PHF2: variants seen among roughly 807,000 people sequenced by gnomAD.
The protein encoded by PHF2 is lysine-specific demethylase PHF2.
Under a neutral mutation model 120.5 loss-of-function variants are expected in PHF2, and 27 were observed. The ratio of observed to expected loss-of-function variants is 0.22; its 90% CI spans 0.17 to 0.31. The LOEUF (loss-of-function observed/expected upper bound fraction) is 0.31. Among genes scored for constraint, PHF2 ranks in the 10% least tolerant of loss-of-function variants. PHF2 has a pLI of 1.00. For synonymous variants in PHF2, 568 were observed against 592.5 expected, an observed-to-expected ratio of 0.96 and a Z score of 0.60; for missense variants, 1,024 against 1,434.8, an observed-to-expected ratio of 0.71 and a Z score of 4.63.
intron 2 of PHF2, among the ~76,000 whole-genome samples, chr9:93,636,165 T>G (rs1220850999): frequency 6.6e-6 from 1 of 151,972 alleles, no homozygotes; most frequent in African/African-American, 2.4e-5. Flanking sequence ...GGTCAGGGAA[T>G]GGAGGACACT....
intron 11 of PHF2, among the ~76,000 whole-genome samples, chr9:93,659,986 T>C (rs1826530647): frequency 6.6e-6 from 1 of 152,140 alleles, no homozygotes; most frequent in Non-Finnish European, 1.5e-5. Flanking sequence ...AAGTGACTCA[T>C]GGCATGTCGC....
At chr9:93,631,000 C>T in intron 2 of PHF2, among the ~76,000 whole-genome samples, 1 of 152,162 alleles carries the variant, frequency 6.6e-6, no homozygotes, top group Non-Finnish European at 1.5e-5. Flanking sequence ...CTGAGTCACT[C>T]CCCTTCAAAG....
intron 10 of PHF2, among the ~76,000 whole-genome samples, chr9:93,658,491 C>T (rs2117975446): frequency 6.6e-6 from 1 of 152,284 alleles, no homozygotes; most frequent in African/African-American, 2.4e-5. Flanking sequence ...GCAGAGCCCC[C>T]TCCATCAGGG....
At chr9:93,612,977 G>A (rs1301921289) in intron 1 of PHF2, among the ~76,000 whole-genome samples, 2 of 152,202 alleles carry the variant, frequency 1.3e-5, no homozygotes, top group African/African-American at 4.8e-5. Context: ...GGGAACTCCA[G>A]GGCTTCCTCA....
At chr9:93,641,442 TCTC>T (rs1826171281) in intron 3 of PHF2, among the ~76,000 whole-genome samples, 2 of 152,344 alleles carry the variant, frequency 1.3e-5, no homozygotes, top group South Asian at 4.1e-4. Context: ...TGATTTTCTG[TCTC>T]CTCAGATTTT....
chr9:93,609,248 GT>G (rs1390864088), intron 1 of PHF2, among the ~76,000 whole-genome samples: 2 of 151,930 alleles, frequency 1.3e-5, no homozygotes, highest in Non-Finnish European at 2.9e-5. Flanking sequence ...ATAAACTGTA[GT>G]CATGAAGTAG....
At position 93,655,985 on chromosome 9, in the gene PHF2, A is replaced by G; in HGVS notation, c.1004A>G (p.His335Arg). 1 of 1,612,932 alleles carries G rather than the reference A, an allele frequency of 6.2e-7. No homozygotes were observed. Among genetic ancestry groups the G allele is most frequent in the South Asian group, 1.1e-5 (1 of 90,842 alleles). The change falls in exon 8 of 22, where the codon CAT becomes CGT. Residue 335 changes from histidine (H) to arginine (R), a missense_variant. Physicochemically the swap from His to Arg is conservative, Grantham distance 29. This residue lies in a region of PHF2 where 347 missense variants were observed against 577.4 expected (regional missense o/e 0.60). Coordinates refer to ENST00000359246, the MANE Select transcript of PHF2 (RefSeq NM_005392.4). Reference protein sequence around the residue: ...TPVDCLAFAGHFLHSLSVEMQ... With the variant: ...TPVDCLAFAGRFLHSLSVEMQ... The stretch of plus-strand genomic sequence containing the variant: ...GTGGACTGCCTGGCCTTCGCGGGAC[A>G]TTTCCTCCACAGCCTGAGTGTGGAG...
At chr9:93,611,411 G>C (rs1825633348) in intron 1 of PHF2, among the ~76,000 whole-genome samples, 1 of 93,670 alleles carries the variant, frequency 1.1e-5, no homozygotes, top group African/African-American at 2.8e-5. Flanking sequence ...GCAAAACTCT[G>C]TCTCAAAAAA....
At chr9:93,623,790 A>G (rs1825862182) in intron 1 of PHF2, among the ~76,000 whole-genome samples, 1 of 152,192 alleles carries the variant, frequency 6.6e-6, no homozygotes. Context: ...AGTGAACTTT[A>G]TATTTTCAAA....
At chr9:93,637,473 C>G (rs886751570) in intron 3 of PHF2, among the ~76,000 whole-genome samples, 1 of 152,182 alleles carries the variant, frequency 6.6e-6, no homozygotes, top group Non-Finnish European at 1.5e-5. Flanking sequence ...TCTCATCCCC[C>G]CTCCCAGCTG....
intron 1 of PHF2, among the ~76,000 whole-genome samples, chr9:93,611,947 G>A (rs1285089349): frequency 1.3e-5 from 2 of 152,214 alleles, no homozygotes; most frequent in African/African-American, 4.8e-5. Context: ...ACCAAAGTGT[G>A]GCCTCTCCAG....
At position 93,679,081 on chromosome 9, in the gene PHF2, C is replaced by G; in HGVS notation, c.*1405C>G. 1 of 364,604 alleles carries G rather than the reference C, an allele frequency of 2.7e-6. No individual in the cohort carries two copies. 22.6% of individuals were successfully genotyped at this position (364,604 alleles called of 1,614,324 possible). A position where few individuals can be genotyped will look rare whatever the true frequency, so the allele number is the denominator to read the frequency against. ...GGGGATACAGTTATTTTACTAGCAC[C>G]TTGTGAAGTGTTTCCGTGTTTTGTG... On this transcript the variant is annotated 3_prime_UTR_variant, in exon 22 of 22. Coordinates refer to ENST00000359246, the MANE Select transcript of PHF2 (RefSeq NM_005392.4).
Position 93,676,710 on chromosome 9 carries a change from AGCCTCTACCACC to A in PHF2, c.2950_2961del (p.Ala984_Thr987del). On this transcript the variant is annotated inframe_deletion, in exon 21 of 22. Transcript: ENST00000359246. ...GCACCACCTCCACCTCCACCACGCC[AGCCTCTACCACC>A]CCGGCCTCCACCACCCCGGCCTCCA... The A allele has an allele frequency of 1.7e-6, 1 of 597,100 alleles. No homozygotes were observed. The highest frequency in any genetic ancestry group is 2.8e-6 in the Non-Finnish European group (1 of 357,638). 37.0% of individuals were successfully genotyped at this position (597,100 alleles called of 1,614,324 possible).
chr9:93,611,750 A>T (rs1306818644), intron 1 of PHF2, among the ~76,000 whole-genome samples: 2 of 152,190 alleles, frequency 1.3e-5, no homozygotes, highest in African/African-American at 4.8e-5. Context: ...CCTGGACTCA[A>T]GCCATCTTCC....
chr9:93,677,729 G>A lies in PHF2; in HGVS notation c.*53G>A, dbSNP rs547548585. 5.0e-5 allele frequency: 69 copies of A among 1,371,568 alleles called. No homozygotes were observed. The highest frequency in any genetic ancestry group is 1.9e-4 in the Admixed American group (11 of 56,496). The allele number at this position is 1,371,568 out of a possible 1,614,324, so 85.0% of individuals were successfully genotyped here. A position where few individuals can be genotyped will look rare whatever the true frequency, so the allele number is the denominator to read the frequency against. ...CCGCTCAGGACCCCCGGAGCCCCGC[G>A]AAAACATCTGCCTCCCAGGAGGGTG... On this transcript the variant is annotated 3_prime_UTR_variant, in exon 22 of 22. Transcript: ENST00000359246. This position sits in a 1 kb window ranked among gnomAD's most constrained non-coding sequence, Gnocchi z 4.4.
intron 1 of PHF2, among the ~76,000 whole-genome samples, chr9:93,620,231 T>C (rs1825803666): frequency 6.6e-6 from 1 of 152,140 alleles, no homozygotes; most frequent in Admixed American, 6.5e-5. Flanking sequence ...CCACCTTCTG[T>C]CTTCTGAAAG....
chr9:93,665,960 C>A (rs1826671193), intron 15 of PHF2, 30 bp from the exon 16 acceptor site: 1 of 1,612,682 alleles, frequency 6.2e-7, no homozygotes, highest in Non-Finnish European at 8.5e-7. Context: ...GCAAGGCCTC[C>A]CGCTGGACTG....
intron 1 of PHF2, among the ~76,000 whole-genome samples, chr9:93,583,722 A>G (rs1325578462): frequency 6.6e-6 from 1 of 151,706 alleles, no homozygotes; most frequent in African/African-American, 2.4e-5. Context: ...ACAAATGTCT[A>G]CTCAAGGCCT....
intron 7 of PHF2, 78 bp downstream of exon 7, chr9:93,654,653 C>A: frequency 7.3e-7 from 1 of 1,378,306 alleles, no homozygotes; most frequent in South Asian, 1.2e-5. Flanking sequence ...TCCCTTGGAC[C>A]GTGTCCCCAC....
Sources: allele counts gnomAD v4.1 joint callset (sites outside exome capture counted in the v4.1 genomes callset), GRCh38; gene constraint gnomAD v4.1.1; regional missense constraint gnomAD v4.1.1; non-coding constraint Gnocchi (gnomAD v3.1); transcripts MANE v1.5; gene names NCBI Gene and HGNC (gene_info 2026-07-23, HGNC 2026-07-21).